RXYLT1: variants seen among roughly 807,000 people sequenced by gnomAD.
RXYLT1 encodes the protein ribitol-5-phosphate xylosyltransferase 1.
A neutral mutation model predicts 43.5 loss-of-function variants in RXYLT1; 41 were observed. That is an observed-to-expected ratio of 0.94 (90% confidence interval 0.73 to 1.22). RXYLT1 has a LOEUF of 1.22. Among genes scored for constraint, RXYLT1 ranks in the 50% most tolerant of loss-of-function variants. The probability of loss-of-function intolerance (pLI) is 0.00; values close to 1 mark genes in which losing one functional copy is unlikely to be tolerated. For synonymous variants in RXYLT1, 166 were observed against 194.4 expected (o/e 0.85, Z 1.21); for missense variants, 514 against 532.0 (o/e 0.97, Z 0.33).
chr12:63,795,285 A>AAG (rs1565903311), intron 3 of RXYLT1, among the ~76,000 whole-genome samples: 3,374 of 150,118 alleles, frequency 0.022, 51 homozygotes, highest in Non-Finnish European at 0.031. Flanking sequence ...TGTCAAAAAA[A>AAG]AAGAAGAAGA....
rs147567078 is a variant in RXYLT1, at chr12:63,790,874, T to C, written c.428+5802T>C. Reference sequence around the variant, plus strand: ...AAGTAGTAGTTCATATTTCACAGGATTATTCCAAAGATTAAATGTGTTAAT... The same window carrying C: ...AAGTAGTAGTTCATATTTCACAGGACTATTCCAAAGATTAAATGTGTTAAT... On this transcript the variant is annotated intron_variant, in intron 3 of 5. Transcript: ENST00000261234. 4.3e-3 allele frequency among the ~76,000 whole-genome samples: 649 copies of C among 152,322 alleles called. 4 individuals carry two copies. The highest frequency in any genetic ancestry group is 0.015 in the African/African-American group (625 of 41,582).
Position 63,780,076 on chromosome 12 carries a change from C to T in RXYLT1, c.116C>T (p.Ser39Phe), listed in dbSNP as rs772190483. The T allele has an allele frequency of 4.4e-6, 7 of 1,595,388 alleles. No individual in the cohort carries two copies. In the African/African-American group the frequency reaches 9.5e-5, roughly 22 times the overall value. ...CGCCGCCGCCAGGCGCCGGCCGGGT[C>T]CCCGCGGGGCCTCAGGAAGGGGGCG... ...FGRRRQAPAG[S>F]PRGLRKGAAP... The change falls in exon 1 of 6, where the codon TCC becomes TTC. Residue 39 changes from serine to phenylalanine, a missense_variant. Coordinates refer to ENST00000261234, the MANE Select transcript of RXYLT1 (RefSeq NM_014254.3).
intron 3 of RXYLT1, among the ~76,000 whole-genome samples, chr12:63,801,553 T>C (rs1253363342): frequency 3.9e-5 from 6 of 152,126 alleles, no homozygotes; most frequent in Non-Finnish European, 5.9e-5. Context: ...GGCATGGTGG[T>C]TCATGCCTGT....
At chr12:63,799,268 T>C (rs1273282091) in intron 3 of RXYLT1, among the ~76,000 whole-genome samples, 2 of 151,872 alleles carry the variant, frequency 1.3e-5, no homozygotes, top group Non-Finnish European at 2.9e-5. Context: ...TTTTAATACA[T>C]TGACTAAAAC....
At chr12:63,786,727 C>T (rs1433759111) in intron 3 of RXYLT1, among the ~76,000 whole-genome samples, 2 of 152,122 alleles carry the variant, frequency 1.3e-5, no homozygotes, top group Non-Finnish European at 2.9e-5. Flanking sequence ...TGAAGTTTGC[C>T]ACATCAGTTG....
At chr12:63,801,494 C>G (rs982746361) in intron 3 of RXYLT1, among the ~76,000 whole-genome samples, 1 of 151,952 alleles carries the variant, frequency 6.6e-6, no homozygotes, top group African/African-American at 2.4e-5. Context: ...TAAATTCTAG[C>G]CAGCATTTAT....
intron 1 of RXYLT1, chr12:63,780,366 G>A (rs1897650543): frequency 7.8e-7 from 1 of 1,289,120 alleles, no homozygotes; most frequent in Admixed American, 4.1e-5. Context: ...GGTGACAGGC[G>A]CGCACGCCTT....
In RXYLT1 at chr12:63,805,403, C is replaced by G. The variant is rs747728782; in HGVS notation, c.913C>G (p.His305Asp). Reference sequence around the variant, plus strand: ...GCTTTGTTGGGTTTCAGCAAGAGAACAGTAAGTTCTATGCTTATTTAATTC... The same window carrying G: ...GCTTTGTTGGGTTTCAGCAAGAGAAGAGTAAGTTCTATGCTTATTTAATTC... The part of the protein sequence containing the change: ...DKLCWVSARE[H>D]WQPQETNESL... Residue 305 changes from histidine (H) to aspartate (D), a missense_variant and splice_region_variant, in exon 5 of 6, where the codon CAC becomes GAC. Transcript: ENST00000261234. 3.1e-6 allele frequency: 5 copies of G among 1,596,464 alleles called. No homozygotes were observed. Among genetic ancestry groups the G allele is most frequent in the East Asian group, 2.2e-5 (1 of 44,486 alleles).
rs560153833 is a variant in RXYLT1, at chr12:63,799,998, A to G, written c.429-2093A>G. ...GTGCTAGATACTGTCCAAGGCAAAC[A>G]TAGTCCTCAAAACATAGTCCTGGTC... is the stretch of plus-strand genomic sequence containing the variant. On this transcript the variant is annotated intron_variant, in intron 3 of 5. Transcript: ENST00000261234. Among the ~76,000 whole-genome samples the G allele has an allele frequency of 1.6e-4, 25 of 152,320 alleles. No individual in the cohort carries two copies. The South Asian group carries it at 5.2e-3, about 32-fold the overall frequency.
At position 63,808,871 on chromosome 12, in the gene RXYLT1, G is replaced by C. The variant is rs1185604183; in HGVS notation, c.1111G>C (p.Ala371Pro). Residue 371 changes from alanine to proline, a missense_variant, in exon 6 of 6, where the codon GCT becomes CCT. Transcript: ENST00000261234. Reference sequence around the variant, plus strand: ...TGGGAATACATCTGTGCACCACGGTGCTCCTCTGCAGTTACTCAAGTCCAT... The same window carrying C: ...TGGGAATACATCTGTGCACCACGGTCCTCCTCTGCAGTTACTCAAGTCCAT... ...NCGNTSVHHG[A>P]PLQLLKSMGA... 6.2e-7 allele frequency: 1 copy of C among 1,613,986 alleles called. No homozygotes were observed. The highest frequency in any genetic ancestry group is 1.3e-5 in the African/African-American group (1 of 74,906).
intron 3 of RXYLT1, among the ~76,000 whole-genome samples, chr12:63,801,787 A>C (rs1592853062): frequency 6.6e-6 from 1 of 151,644 alleles, no homozygotes; most frequent in Admixed American, 6.6e-5. Flanking sequence ...GCACCACTGC[A>C]CTCCAGCCTG....
intron 4 of RXYLT1, among the ~76,000 whole-genome samples, chr12:63,803,305 A>G (rs1464553151): frequency 6.6e-6 from 1 of 150,950 alleles, no homozygotes; most frequent in Non-Finnish European, 1.5e-5. Context: ...TGACTTTAAG[A>G]TAAGTTGCCA....
chr12:63,797,841 A>G (rs930675606), intron 3 of RXYLT1, among the ~76,000 whole-genome samples: 2 of 152,180 alleles, frequency 1.3e-5, no homozygotes, highest in African/African-American at 4.8e-5. Context: ...TGGATGAAAT[A>G]GGGAAGTGGT....
At chr12:63,800,777 T>C (rs977179073) in intron 3 of RXYLT1, among the ~76,000 whole-genome samples, 1 of 151,802 alleles carries the variant, frequency 6.6e-6, no homozygotes, top group Non-Finnish European at 1.5e-5. Context: ...CAAAAATTAG[T>C]TGGGCATGGT....
chr12:63,780,518 C>T (rs1897655980), intron 1 of RXYLT1: 1 of 1,049,350 alleles, frequency 9.5e-7, no homozygotes, highest in Non-Finnish European at 1.1e-6. Context: ...CTGCAGTGAC[C>T]ATAAGGCAGA....
rs1294356953 is a variant in RXYLT1 at position 63,784,985 on chromosome 12, A to G, written c.341A>G (p.Glu114Gly). Residue 114 changes from glutamate to glycine, a missense_variant, in exon 3 of 6, where the codon GAG becomes GGG. Transcript: ENST00000261234. The stretch of plus-strand genomic sequence containing the variant: ...TAATTACCAGGCTTGTATCTCTGGG[A>G]GCATATTTTTGAAGGCTTACTTGAT... ...GKAAIGLYLWEHIFEGLLDPS... is the reference protein window; with the variant it reads ...GKAAIGLYLWGHIFEGLLDPS... 1.2e-6 allele frequency: 2 copies of G among 1,613,766 alleles called. No homozygotes were observed. The highest frequency in any genetic ancestry group is 1.7e-5 in the Admixed American group (1 of 59,998).
Position 63,784,961 on chromosome 12 carries a change from A to G in RXYLT1, c.326-9A>G, listed in dbSNP as rs750967743. ...TTGTTTTGATTTTGTTTTTGTTGTTAATTACCAGGCTTGTATCTCTGGGAG... is the reference window on the plus strand; with the variant it reads ...TTGTTTTGATTTTGTTTTTGTTGTTGATTACCAGGCTTGTATCTCTGGGAG... On this transcript the variant is annotated splice_polypyrimidine_tract_variant and intron_variant, in intron 2 of 5. Coordinates refer to ENST00000261234, the MANE Select transcript of RXYLT1 (RefSeq NM_014254.3). 7 of 1,610,844 alleles carry G rather than the reference A, an allele frequency of 4.3e-6. No individual in the cohort carries two copies. The highest frequency in any genetic ancestry group is 5.9e-6 in the Non-Finnish European group (7 of 1,178,020).
chr12:63,783,037 T>C (rs537336059), intron 2 of RXYLT1, among the ~76,000 whole-genome samples: 19 of 152,224 alleles, frequency 1.2e-4, no homozygotes, highest in Non-Finnish European at 2.2e-4. Flanking sequence ...TTATCACAAG[T>C]TCTGCTTTCC....
intron 3 of RXYLT1, among the ~76,000 whole-genome samples, chr12:63,790,758 G>A (rs1897904201): frequency 6.6e-6 from 1 of 152,076 alleles, no homozygotes; most frequent in Non-Finnish European, 1.5e-5. Flanking sequence ...CACCACACCT[G>A]GCCTAGTTCA....
Sources: gnomAD v4.1 joint callset for allele counts (sites outside exome capture counted in the v4.1 genomes callset) on GRCh38, gnomAD v4.1.1 for gene constraint, MANE v1.5 for transcripts, NCBI Gene and HGNC (gene_info 2026-07-23, HGNC 2026-07-21) for gene names.